Variants in FAM204A observed in about 807,000 individuals in gnomAD.
FAM204A encodes protein FAM204A.
FAM204A carries 16 observed loss-of-function variants against 35.4 expected under a neutral mutation model. The observed-to-expected ratio is 0.45, with a 90% CI of 0.31 to 0.69. The LOEUF is 0.69. Ranked by LOEUF, FAM204A falls within the 30% of genes least tolerant of loss-of-function variation. The pLI is 0.07. For missense variants in FAM204A, 240 were observed against 265.7 expected (o/e 0.90, Z 0.67); for synonymous variants, 76 against 86.9 (o/e 0.88, Z 0.70).
rs149000572 is a variant in FAM204A, at chr10:118,318,446, C to G, written c.544-7133G>C. Among the ~76,000 whole-genome samples the G allele has an allele frequency of 7.2e-5, 11 of 152,008 alleles. No individual in the cohort carries two copies. The East Asian group carries it at 2.1e-3, about 29-fold the overall frequency. On this transcript the variant is annotated intron_variant, in intron 7 of 8. Transcript: ENST00000369183. ...TTCAAATGGAGATATTAAATTTAAA[C>G]CCTTAAAATACATATAAATAATACT...
intron 5 of FAM204A, 88 bp from the exon 6 acceptor site, chr10:118,335,301 A>G (rs537391397): frequency 3.2e-6 from 5 of 1,549,248 alleles, no homozygotes; most frequent in South Asian, 1.2e-5. Flanking sequence ...TTATACTACA[A>G]TTACTAGTTC....
Position 118,317,365 on chromosome 10 carries a change from A to T in FAM204A, c.544-6052T>A, listed in dbSNP as rs540848499. On this transcript the variant is annotated intron_variant, in intron 7 of 8. Coordinates refer to ENST00000369183, the MANE Select transcript of FAM204A (RefSeq NM_022063.3). ...ACTGCAGAAAAATTCTACAGTATAAACTGTGCTTTGTCTGTCTCTTTAATT... is the reference window on the plus strand; with the variant it reads ...ACTGCAGAAAAATTCTACAGTATAATCTGTGCTTTGTCTGTCTCTTTAATT... Among the ~76,000 whole-genome samples, 5 of 152,216 alleles carry T rather than the reference A, an allele frequency of 3.3e-5. No individual in the cohort carries two copies. The South Asian group carries it at 1.0e-3, about 32-fold the overall frequency.
At chr10:118,321,140 C>T (rs780352244) in intron 7 of FAM204A, among the ~76,000 whole-genome samples, 10 of 151,832 alleles carry the variant, frequency 6.6e-5, no homozygotes, top group Admixed American at 6.6e-5. Context: ...AAAAAGAAAA[C>T]GGTACTGATG....
In FAM204A at chr10:118,306,182, G is replaced by C. The variant is rs1324196771; in HGVS notation, c.*4675C>G. 2.6e-5 allele frequency: 4 copies of C among 152,276 alleles called. No individual in the cohort carries two copies. The highest frequency in any genetic ancestry group is 2.6e-4 in the Admixed American group (4 of 15,286). The allele number at this position is 152,276 out of a possible 1,614,324, so 9.4% of individuals were successfully genotyped here. On this transcript the variant is annotated 3_prime_UTR_variant, in exon 9 of 9. Coordinates refer to ENST00000369183, the MANE Select transcript of FAM204A (RefSeq NM_022063.3). ...TACCTCATTCCATACCTGTCACATA[G>C]CAGGCCCCCTGCAGCTATTCAGCGA...
chr10:118,314,501 C>T (rs990162239), intron 7 of FAM204A, among the ~76,000 whole-genome samples: 11 of 152,078 alleles, frequency 7.2e-5, no homozygotes, highest in South Asian at 6.2e-4. Flanking sequence ...TGAGAAGAAA[C>T]GCAGTTTCCC....
At chr10:118,337,202 A>G in intron 2 of FAM204A, 1 of 979,406 alleles carries the variant, frequency 1.0e-6, no homozygotes, top group Non-Finnish European at 1.2e-6. Flanking sequence ...TCATTTGCTA[A>G]AAGTATAATA....
chr10:118,322,167 A>G (rs1846128299), intron 7 of FAM204A: 2 of 228,596 alleles, frequency 8.7e-6, no homozygotes, highest in South Asian at 1.1e-4. Context: ...TCAGCAGTGG[A>G]CACTAAAACA....
chr10:118,315,934 G>A (rs978776457), intron 7 of FAM204A, among the ~76,000 whole-genome samples: 1 of 152,130 alleles, frequency 6.6e-6, no homozygotes, highest in African/African-American at 2.4e-5. Flanking sequence ...TCCTCATTTT[G>A]AGGCTTGAAC....
At chr10:118,313,534 G>A (rs1018222914) in intron 7 of FAM204A, among the ~76,000 whole-genome samples, 2 of 152,208 alleles carry the variant, frequency 1.3e-5, no homozygotes, top group Admixed American at 6.5e-5. Flanking sequence ...CTCTTCTGCT[G>A]TAAATCATAG....
rs375949907 is a variant in FAM204A, at chr10:118,311,194, T to C, written c.650+13A>G. On this transcript the variant is annotated intron_variant, in intron 8 of 8. Coordinates refer to ENST00000369183, the MANE Select transcript of FAM204A (RefSeq NM_022063.3). ...TCAGGAGATTTACTACCAAAAATCTTAAGTAAACTCACCCCCATGCAAGTT... is the reference window on the plus strand; with the variant it reads ...TCAGGAGATTTACTACCAAAAATCTCAAGTAAACTCACCCCCATGCAAGTT... 17 of 1,600,640 alleles carry C rather than the reference T, an allele frequency of 1.1e-5. No homozygotes were observed. The African/African-American group carries it at 2.2e-4, about 20-fold the overall frequency.
rs573172573 is a variant in FAM204A, at chr10:118,307,692, ATT to A, written c.*3163_*3164del. 6.6e-6 allele frequency: 1 copy of A among 152,198 alleles called. No homozygotes were observed. Among genetic ancestry groups the A allele is most frequent in the Non-Finnish European group, 1.5e-5 (1 of 68,022 alleles). The allele number at this position is 152,198 out of a possible 1,614,324, so 9.4% of individuals were successfully genotyped here. On this transcript the variant is annotated 3_prime_UTR_variant, in exon 9 of 9. Coordinates refer to ENST00000369183, the MANE Select transcript of FAM204A (RefSeq NM_022063.3). ...TGGACATTTTATAAATTATATCTTCATTTTTTGTGAATTAAATTCAAACTTGT... is the reference window on the plus strand; with the variant it reads ...TGGACATTTTATAAATTATATCTTCATTTTGTGAATTAAATTCAAACTTGT...
chr10:118,298,976 G>C lies in FAM204A; in HGVS notation c.*11881C>G, dbSNP rs1845778693. 1 of 152,210 alleles carries C rather than the reference G, an allele frequency of 6.6e-6. No individual in the cohort carries two copies. The highest frequency in any genetic ancestry group is 1.5e-5 in the Non-Finnish European group (1 of 68,042). The allele number at this position is 152,210 out of a possible 1,614,324, so 9.4% of individuals were successfully genotyped here. ...ACTAATGGTTGCCTAGCAACCACTA[G>C]ACATTGTTTTGCTGCTTCACTCTAG... On this transcript the variant is annotated 3_prime_UTR_variant, in exon 9 of 9. Coordinates refer to ENST00000369183, the MANE Select transcript of FAM204A (RefSeq NM_022063.3).
intron 2 of FAM204A, among the ~76,000 whole-genome samples, chr10:118,337,990 T>A (rs1421263809): frequency 6.6e-6 from 1 of 152,198 alleles, no homozygotes; most frequent in Non-Finnish European, 1.5e-5. Context: ...AGTCACAATC[T>A]GATGTGAAGT....
At chr10:118,317,657 A>G (rs1231924234) in intron 7 of FAM204A, among the ~76,000 whole-genome samples, 3 of 152,044 alleles carry the variant, frequency 2.0e-5, no homozygotes, top group Non-Finnish European at 4.4e-5. Context: ...GGGAACAAAC[A>G]TATCTTTAAA....
intron 7 of FAM204A, among the ~76,000 whole-genome samples, chr10:118,322,863 C>T (rs967506546): frequency 6.6e-6 from 1 of 152,002 alleles, no homozygotes; most frequent in African/African-American, 2.4e-5. Context: ...ACTAACTCTA[C>T]TAAAAGGAAC....
intron 6 of FAM204A, among the ~76,000 whole-genome samples, chr10:118,333,621 C>A (rs774413493): frequency 1.3e-5 from 2 of 152,106 alleles, no homozygotes; most frequent in Non-Finnish European, 2.9e-5. Flanking sequence ...ATGCAAGAAT[C>A]GGGCTTCACT....
intron 6 of FAM204A, among the ~76,000 whole-genome samples, chr10:118,329,032 G>T (rs1846246824): frequency 6.6e-6 from 1 of 152,062 alleles, no homozygotes; most frequent in African/African-American, 2.4e-5. Flanking sequence ...TCTTCACACT[G>T]AAGGCCTACA....
intron 2 of FAM204A, among the ~76,000 whole-genome samples, chr10:118,337,575 T>C (rs1465874162): frequency 6.6e-6 from 1 of 152,196 alleles, no homozygotes; most frequent in Non-Finnish European, 1.5e-5. Flanking sequence ...CATCAGTTGC[T>C]GGCTCTCTGA....
At chr10:118,340,480 A>G (rs964762029) in intron 2 of FAM204A, among the ~76,000 whole-genome samples, 7 of 152,182 alleles carry the variant, frequency 4.6e-5, no homozygotes, top group Non-Finnish European at 8.8e-5. Flanking sequence ...TGATTTTGAT[A>G]TTATAAGTGC....
Sources: gnomAD v4.1 joint callset for allele counts (sites outside exome capture counted in the v4.1 genomes callset) on GRCh38, gnomAD v4.1.1 for gene constraint, MANE v1.5 for transcripts, NCBI Gene and HGNC (gene_info 2026-07-23, HGNC 2026-07-21) for gene names.